The following WWOX variants were observed in gnomAD, a reference collection of about 807,000 sequenced individuals.
WWOX encodes WW domain-containing oxidoreductase.
In WWOX, 69 loss-of-function variants were observed where a neutral mutation model predicts 46.2. The ratio of observed to expected loss-of-function variants is 1.49; its 90% CI spans 1.23 to 1.82. The LOEUF is 1.82. Ranked by LOEUF, WWOX falls within the 40% of genes most tolerant of loss-of-function variation. WWOX has a pLI of 0.00. For missense variants in WWOX, 919 were observed against 542.6 expected (o/e 1.69, Z -6.89); for synonymous variants, 359 against 202.6 (o/e 1.77, Z -6.56).
chr16:78,258,360 A>T (rs2038185265), intron 5 of WWOX, among the ~76,000 whole-genome samples: 1 of 152,220 alleles, frequency 6.6e-6, no homozygotes, highest in Non-Finnish European at 1.5e-5. Flanking sequence ...TTTCACTGGA[A>T]GATTTAATGC....
At chr16:79,110,383 G>T (rs1277425954) in intron 8 of WWOX, among the ~76,000 whole-genome samples, 1 of 152,114 alleles carries the variant, frequency 6.6e-6, no homozygotes, top group African/African-American at 2.4e-5. Flanking sequence ...AATGTAGCTT[G>T]GAGAGCTATA....
intron 8 of WWOX, among the ~76,000 whole-genome samples, chr16:78,760,572 A>G (rs759044285): frequency 6.6e-6 from 1 of 152,148 alleles, no homozygotes; most frequent in Non-Finnish European, 1.5e-5. Context: ...GATGCCCACA[A>G]TGCACTTGGG....
chr16:78,677,928 A>G (rs1053066285), intron 8 of WWOX, among the ~76,000 whole-genome samples: 4 of 152,220 alleles, frequency 2.6e-5, no homozygotes, highest in Non-Finnish European at 5.9e-5. Flanking sequence ...CACTCCTACA[A>G]ATCTTTGCCC....
intron 5 of WWOX, among the ~76,000 whole-genome samples, chr16:78,329,139 G>T (rs1317948499): frequency 2.0e-5 from 3 of 152,092 alleles, no homozygotes; most frequent in African/African-American, 7.2e-5. Flanking sequence ...GGGATTACAG[G>T]TGTGAGCTAC....
intron 4 of WWOX, among the ~76,000 whole-genome samples, chr16:78,116,928 A>C (rs1192213960): frequency 6.6e-6 from 1 of 152,230 alleles, no homozygotes; most frequent in Admixed American, 6.5e-5. Flanking sequence ...AGACTCTTGA[A>C]TAGAGCTAAT....
chr16:78,183,395 C>A (rs527320651), intron 5 of WWOX, among the ~76,000 whole-genome samples: 3 of 152,052 alleles, frequency 2.0e-5, no homozygotes, highest in South Asian at 2.1e-4. Context: ...TGGTTATGAG[C>A]GTGAAAGGTT....
At chr16:78,653,733 C>T (rs1313205496) in intron 8 of WWOX, among the ~76,000 whole-genome samples, 1 of 152,210 alleles carries the variant, frequency 6.6e-6, no homozygotes, top group African/African-American at 2.4e-5. Context: ...CTATGGGCCT[C>T]CTAACCCGAA....
intron 8 of WWOX, among the ~76,000 whole-genome samples, chr16:78,850,866 G>A (rs1016016025): frequency 6.6e-6 from 1 of 152,158 alleles, no homozygotes; most frequent in Non-Finnish European, 1.5e-5. Context: ...AGAACTTGGT[G>A]CCATATTGGC....
At chr16:78,713,817 G>T (rs1054722504) in intron 8 of WWOX, among the ~76,000 whole-genome samples, 1 of 152,142 alleles carries the variant, frequency 6.6e-6, no homozygotes, top group Admixed American at 6.5e-5. Context: ...GGCAACCCCT[G>T]TAGATAATAC....
At chr16:79,179,046 A>G (rs927878158) in intron 8 of WWOX, among the ~76,000 whole-genome samples, 3 of 152,188 alleles carry the variant, frequency 2.0e-5, no homozygotes, top group Non-Finnish European at 4.4e-5. Flanking sequence ...CTGCCTCAGC[A>G]ATATTCTGTG....
intron 8 of WWOX, among the ~76,000 whole-genome samples, chr16:78,608,386 C>A (rs1402356782): frequency 6.6e-6 from 1 of 152,146 alleles, no homozygotes; most frequent in African/African-American, 2.4e-5. Flanking sequence ...TGTTTGAATC[C>A]CCCAAATGCC....
At chr16:78,708,152 T>G (rs186826813) in intron 8 of WWOX, among the ~76,000 whole-genome samples, 1 of 152,056 alleles carries the variant, frequency 6.6e-6, no homozygotes, top group Non-Finnish European at 1.5e-5. Context: ...GACTGCACCA[T>G]TGCATTCCAG....
chr16:78,901,050 C>G (rs2044819464), intron 8 of WWOX, among the ~76,000 whole-genome samples: 1 of 152,162 alleles, frequency 6.6e-6, no homozygotes, highest in African/African-American at 2.4e-5. Context: ...TCTTTTCAGA[C>G]CCAACCCTTG....
intron 5 of WWOX, among the ~76,000 whole-genome samples, chr16:78,178,482 A>T (rs7195331): frequency 6.6e-6 from 1 of 152,050 alleles, no homozygotes; most frequent in Non-Finnish European, 1.5e-5. Context: ...TCTTCCTCTT[A>T]TGGGTAGTGA....
chr16:78,555,262 C>A (rs185941575), intron 8 of WWOX, among the ~76,000 whole-genome samples: 10 of 151,292 alleles, frequency 6.6e-5, no homozygotes, highest in African/African-American at 2.2e-4. Flanking sequence ...CCTATACTGT[C>A]CGGGGAAAGG....
At chr16:78,538,085 G>C (rs200398219) in intron 8 of WWOX, among the ~76,000 whole-genome samples, 2 of 151,928 alleles carry the variant, frequency 1.3e-5, no homozygotes, top group African/African-American at 4.8e-5. Context: ...GCACAGAAGG[G>C]GGTAATTATT....
At chr16:78,598,550 C>G (rs766191896) in intron 8 of WWOX, among the ~76,000 whole-genome samples, 22 of 152,142 alleles carry the variant, frequency 1.4e-4, no homozygotes, top group Non-Finnish European at 2.9e-4. Flanking sequence ...GAGATTTTGA[C>G]CAGGCAGGCT....
chr16:78,430,989 C>T (rs375642581), intron 7 of WWOX, among the ~76,000 whole-genome samples: 1 of 152,286 alleles, frequency 6.6e-6, no homozygotes, highest in African/African-American at 2.4e-5. Flanking sequence ...AGAGGATTCC[C>T]ATTATGCTTC....
chr16:79,090,293 G>GTGTGTC (rs1244366301), intron 8 of WWOX, among the ~76,000 whole-genome samples: 3 of 151,310 alleles, frequency 2.0e-5, no homozygotes, highest in Non-Finnish European at 4.4e-5. Context: ...GTGTGTGTGT[G>GTGTGTC]TGTGTGTGTG....
Sources: allele counts gnomAD v4.1 joint callset (sites outside exome capture counted in the v4.1 genomes callset), GRCh38; gene constraint gnomAD v4.1.1; transcripts MANE v1.5; gene names NCBI Gene and HGNC (gene_info 2026-07-23, HGNC 2026-07-21).